The following IQCM variants were observed in gnomAD, a reference collection of about 807,000 sequenced individuals.
The protein encoded by IQCM is IQ motif containing M.
In IQCM, 45 loss-of-function variants were observed where a neutral mutation model predicts 57.6. That is an observed-to-expected ratio of 0.78 (90% CI 0.62 to 1.00). The LOEUF (loss-of-function observed/expected upper bound fraction) is 1.00. IQCM is among the 50% of genes least tolerant of loss of function. The pLI is 0.00. For missense variants in IQCM, 468 were observed against 511.6 expected, an observed-to-expected ratio of 0.91 and a Z score of 0.82; for synonymous variants, 148 against 158.9, an observed-to-expected ratio of 0.93 and a Z score of 0.51.
intron 12 of IQCM, among the ~76,000 whole-genome samples, chr4:149,461,974 T>TCCTATAAAA: frequency 6.6e-6 from 1 of 152,146 alleles, no homozygotes; most frequent in East Asian, 1.9e-4. Context: ...GGCCTGGGGG[T>TCCTATAAAA]TGGGGTCCCC....
intron 2 of IQCM, among the ~76,000 whole-genome samples, chr4:149,797,155 A>T (rs1773185482): frequency 6.6e-6 from 1 of 152,180 alleles, no homozygotes; most frequent in Admixed American, 6.5e-5. Context: ...AGGAAACTCA[A>T]AGAAATTCAA....
chr4:149,465,135 T>A (rs1738711823), intron 12 of IQCM, among the ~76,000 whole-genome samples: 1 of 152,192 alleles, frequency 6.6e-6, no homozygotes, highest in South Asian at 2.1e-4. Flanking sequence ...AAAAATGATA[T>A]TTAGATGCTA....
chr4:149,630,657 G>C (rs904644221), intron 7 of IQCM, among the ~76,000 whole-genome samples: 14 of 152,132 alleles, frequency 9.2e-5, no homozygotes, highest in African/African-American at 3.4e-4. Context: ...TTTGATGCCT[G>C]AACTCATACA....
chr4:149,415,785 T>C (rs191707742), intron 13 of IQCM, among the ~76,000 whole-genome samples: 49 of 152,160 alleles, frequency 3.2e-4, no homozygotes, highest in Non-Finnish European at 5.7e-4. Context: ...GTCAGAGAGC[T>C]GGGTAGTGAG....
chr4:149,413,482 C>G (rs981370645), intron 13 of IQCM, among the ~76,000 whole-genome samples: 5 of 152,090 alleles, frequency 3.3e-5, no homozygotes, highest in Non-Finnish European at 4.4e-5. Context: ...CGTGGCTGCT[C>G]AGAACCACAC....
chr4:149,362,540 C>T (rs945631470), intron 13 of IQCM, among the ~76,000 whole-genome samples: 3 of 151,934 alleles, frequency 2.0e-5, no homozygotes, highest in Non-Finnish European at 4.4e-5. Context: ...ATGGTTATAC[C>T]AGGGGTTTCT....
chr4:149,674,156 C>T (rs537532905), intron 7 of IQCM, among the ~76,000 whole-genome samples: 9 of 152,088 alleles, frequency 5.9e-5, no homozygotes, highest in Non-Finnish European at 1.2e-4. Context: ...TGATTTTTTC[C>T]GGTGTATTTT....
At chr4:149,806,927 C>T (rs981866344) in intron 2 of IQCM, among the ~76,000 whole-genome samples, 3 of 151,540 alleles carry the variant, frequency 2.0e-5, no homozygotes, top group Non-Finnish European at 4.4e-5. Context: ...TTTACAATAG[C>T]TACAAAACAG....
At chr4:149,653,122 C>G (rs1759339109) in intron 7 of IQCM, among the ~76,000 whole-genome samples, 1 of 151,820 alleles carries the variant, frequency 6.6e-6, no homozygotes, top group Non-Finnish European at 1.5e-5. Context: ...CTTAACTAAC[C>G]AAAATTTTGA....
Position 149,587,987 on chromosome 4 carries a change from T to G in IQCM, c.692A>C (p.Lys231Thr), listed in dbSNP as rs1752793271. ...TTGTCGCTCCTTTTTAATAAGGGTT[T>G]TAAAGGTTTTCTATAATAAGGAAAA... ...IFRDYYSKTFKTLIKKERQPI... is the reference protein window; with the variant it reads ...IFRDYYSKTFTTLIKKERQPI... The change falls in exon 9 of 14, where the codon AAA becomes ACA. Residue 231 changes from lysine (K) to threonine (T), a missense_variant. Lys to Thr is a moderately conservative substitution (Grantham distance 78). Coordinates refer to ENST00000636793, the MANE Select transcript of IQCM (RefSeq NM_001363507.2). 1 of 1,222,412 alleles carries G rather than the reference T, an allele frequency of 8.2e-7. No individual in the cohort carries two copies. Among genetic ancestry groups the G allele is most frequent in the African/African-American group, 1.6e-5 (1 of 64,058 alleles). The allele number at this position is 1,222,412 out of a possible 1,614,324, so 75.7% of individuals were successfully genotyped here.
In IQCM at chr4:149,682,483, G is replaced by C. The variant is rs142601946; in HGVS notation, c.477-277C>G. ...TAGCAAAAATCAGGAAAATGAACAAGCATCATATCTATCTATTTCTTCAGT... is the reference window on the plus strand; with the variant it reads ...TAGCAAAAATCAGGAAAATGAACAACCATCATATCTATCTATTTCTTCAGT... On this transcript the variant is annotated intron_variant, in intron 6 of 13. Transcript: ENST00000636793. Among the ~76,000 whole-genome samples, 17 of 151,162 alleles carry C rather than the reference G, an allele frequency of 1.1e-4. No homozygotes were observed. The East Asian group carries it at 2.7e-3, about 24-fold the overall frequency.
At chr4:149,599,561 T>C (rs1347324194) in intron 8 of IQCM, among the ~76,000 whole-genome samples, 3 of 152,106 alleles carry the variant, frequency 2.0e-5, no homozygotes, top group Non-Finnish European at 2.9e-5. Context: ...CATGCAGGTA[T>C]ACATATATAT....
At chr4:149,441,802 A>G (rs547162038) in intron 12 of IQCM, among the ~76,000 whole-genome samples, 2 of 152,132 alleles carry the variant, frequency 1.3e-5, no homozygotes, top group African/African-American at 4.8e-5. Context: ...TTTGTCCAAA[A>G]TTCAGCTTGA....
At chr4:149,805,681 T>G (rs1429243756) in intron 2 of IQCM, among the ~76,000 whole-genome samples, 2 of 152,060 alleles carry the variant, frequency 1.3e-5, no homozygotes, top group Admixed American at 6.6e-5. Context: ...GTTGGCTCCA[T>G]TAGCATAAAA....
chr4:149,676,605 C>A (rs1761771196), intron 7 of IQCM, among the ~76,000 whole-genome samples: 1 of 152,010 alleles, frequency 6.6e-6, no homozygotes, highest in South Asian at 2.1e-4. Flanking sequence ...AGATTTGACG[C>A]TAGAAACTGG....
chr4:149,603,898 A>G (rs1754543970), intron 8 of IQCM, among the ~76,000 whole-genome samples: 4 of 152,028 alleles, frequency 2.6e-5, no homozygotes, highest in Admixed American at 2.6e-4. Context: ...CTATGTGTAT[A>G]TGCACACCTG....
chr4:149,652,590 A>G (rs560706708), intron 7 of IQCM, among the ~76,000 whole-genome samples: 1 of 152,254 alleles, frequency 6.6e-6, no homozygotes, highest in South Asian at 2.1e-4. Context: ...TGGTGAGACA[A>G]TAGAAAGTAC....
At chr4:149,406,983 G>A (rs948998592) in intron 13 of IQCM, among the ~76,000 whole-genome samples, 1 of 150,068 alleles carries the variant, frequency 6.7e-6, no homozygotes, top group African/African-American at 2.5e-5. Flanking sequence ...AGAGCCAAGT[G>A]AAGGCTGGGG....
intron 5 of IQCM, among the ~76,000 whole-genome samples, chr4:149,705,022 C>T (rs973352782): frequency 4.0e-5 from 6 of 151,700 alleles, no homozygotes; most frequent in Admixed American, 2.0e-4. Context: ...GGCCTTCAGA[C>T]TTGGACTTAC....
Sources: gnomAD v4.1 joint callset for allele counts (sites outside exome capture counted in the v4.1 genomes callset) on GRCh38, gnomAD v4.1.1 for gene constraint, MANE v1.5 for transcripts, NCBI Gene and HGNC (gene_info 2026-07-23, HGNC 2026-07-21) for gene names.